The following ATXN7 variants were observed in gnomAD, a reference collection of about 807,000 sequenced individuals.
The protein encoded by ATXN7 is ataxin-7.
Under a neutral mutation model 70.5 loss-of-function variants are expected in ATXN7, and 12 were observed. The ratio of observed to expected loss-of-function variants is 0.17; its 90% CI spans 0.11 to 0.28. ATXN7 has a LOEUF of 0.28. ATXN7 is among the 10% of genes least tolerant of loss of function. The pLI is 1.00. For missense variants in ATXN7, 1,256 were observed against 1,131.7 expected (o/e 1.11, Z -1.58); for synonymous variants, 498 against 448.7 (o/e 1.11, Z -1.39).
Position 63,995,952 on chromosome 3 carries a change from T to A in ATXN7, c.2130T>A (p.Ser710Arg), listed in dbSNP as rs755625089. The change falls in exon 12 of 13, where the codon AGT becomes AGA. Residue 710 changes from serine (S) to arginine (R), a missense_variant. Ser to Arg is a moderately radical substitution (Grantham distance 110, BLOSUM62 -1). Transcript: ENST00000674280. The part of the protein sequence containing the change: ...SGGSGKKRKN[S>R]SPLLVHSSSS... Reference sequence around the variant, plus strand: ...GCTCAGGAAAGAAACGCAAAAACAGTTCCCCACTGTTGGTTCACTCTTCCT... The same window carrying A: ...GCTCAGGAAAGAAACGCAAAAACAGATCCCCACTGTTGGTTCACTCTTCCT... 1 of 1,614,094 alleles carries A rather than the reference T, an allele frequency of 6.2e-7. No homozygotes were observed. Among genetic ancestry groups the A allele is most frequent in the Non-Finnish European group, 8.5e-7 (1 of 1,179,980 alleles).
At chr3:63,863,520 G>A (rs1575820844), upstream of ATXN7, 7 of 1,190,332 alleles carry the variant, frequency 5.9e-6, no homozygotes, top group South Asian at 1.3e-4. Context: ...GCCCCGCGCT[G>A]CCTCCGGGAG....
At chr3:63,966,480 A>G (rs935153626) in intron 5 of ATXN7, among the ~76,000 whole-genome samples, 1 of 152,154 alleles carries the variant, frequency 6.6e-6, no homozygotes, top group Non-Finnish European at 1.5e-5. Context: ...TGTGCTTCTA[A>G]GGCTTGCTGA....
chr3:63,909,117 C>T (rs1416162713), intron 2 of ATXN7, among the ~76,000 whole-genome samples: 1 of 152,168 alleles, frequency 6.6e-6, no homozygotes, highest in African/African-American at 2.4e-5. Flanking sequence ...AAATTGAATA[C>T]TCATTATTCA....
intron 1 of ATXN7, chr3:63,864,845 C>T (rs1702359055): frequency 6.6e-6 from 1 of 152,154 alleles, no homozygotes; most frequent in Non-Finnish European, 1.5e-5. Context: ...CATCTCTTTC[C>T]AAAAGTCACT....
chr3:63,958,573 AT>A (rs751595470), intron 5 of ATXN7, among the ~76,000 whole-genome samples: 7 of 152,174 alleles, frequency 4.6e-5, no homozygotes, highest in Non-Finnish European at 7.4e-5. Flanking sequence ...TTGCTCTCTG[AT>A]TAACTTAGAC....
At chr3:63,919,619 C>T (rs1257346567) in intron 4 of ATXN7, among the ~76,000 whole-genome samples, 1 of 151,634 alleles carries the variant, frequency 6.6e-6, no homozygotes, top group Admixed American at 6.6e-5. Context: ...AATTATTATA[C>T]TTTAAGTTTT....
At chr3:63,882,082 GA>G (rs1423545177) in intron 1 of ATXN7, among the ~76,000 whole-genome samples, 2 of 152,168 alleles carry the variant, frequency 1.3e-5, no homozygotes, top group Non-Finnish European at 2.9e-5. Context: ...GACAGTGTTT[GA>G]AAAGGAACCA....
At chr3:63,884,897 G>A (rs562245892) in intron 1 of ATXN7, among the ~76,000 whole-genome samples, 21 of 151,638 alleles carry the variant, frequency 1.4e-4, no homozygotes, top group Admixed American at 1.1e-3. Context: ...GGGCTCAAGC[G>A]ATTCACCTGC....
chr3:63,914,846 C>T (rs935426631), intron 4 of ATXN7, among the ~76,000 whole-genome samples: 1 of 152,312 alleles, frequency 6.6e-6, no homozygotes, highest in South Asian at 2.1e-4. Context: ...CTTTTATCAG[C>T]ATGTTTTTCA....
At chr3:63,905,595 G>A (rs1178822900) in intron 2 of ATXN7, 1 of 152,176 alleles carries the variant, frequency 6.6e-6, no homozygotes, top group Non-Finnish European at 1.5e-5. Flanking sequence ...TGCTGCCACT[G>A]CCCCAGAAAC....
intron 12 of ATXN7, chr3:63,999,221 C>T (rs1424049714): frequency 2.0e-6 from 1 of 498,618 alleles, no homozygotes; most frequent in African/African-American, 1.9e-5. Flanking sequence ...TGCAACTCTT[C>T]TAGCCAGTTG....
chr3:63,880,164 T>C (rs1028034998), intron 1 of ATXN7, among the ~76,000 whole-genome samples: 7 of 151,986 alleles, frequency 4.6e-5, no homozygotes, highest in Non-Finnish European at 8.8e-5. Context: ...AGTTTTGAGG[T>C]TTGAGAAATG....
chr3:63,899,822 T>G (rs1017214040), intron 2 of ATXN7, among the ~76,000 whole-genome samples: 1 of 152,078 alleles, frequency 6.6e-6, no homozygotes, highest in African/African-American at 2.4e-5. Flanking sequence ...TTTCGCCGTG[T>G]TAGCCAAGAT....
chr3:63,913,142 G>T lies in ATXN7; in HGVS notation c.326-15G>T, dbSNP rs758194120. The T allele has an allele frequency of 6.2e-6, 10 of 1,612,398 alleles. No individual in the cohort carries two copies. The African/African-American group carries it at 1.3e-4, about 22-fold the overall frequency. On this transcript the variant is annotated splice_polypyrimidine_tract_variant and intron_variant, in intron 3 of 12. Transcript: ENST00000674280. ...ACCTGCCTCTCCCCTCCTCCTGTGTGTGTATATCTCCTAGGGACAGAATTG... is the reference window on the plus strand; with the variant it reads ...ACCTGCCTCTCCCCTCCTCCTGTGTTTGTATATCTCCTAGGGACAGAATTG...
intron 5 of ATXN7, among the ~76,000 whole-genome samples, chr3:63,978,985 A>G (rs962120368): frequency 1.3e-5 from 2 of 152,244 alleles, no homozygotes; most frequent in Non-Finnish European, 2.9e-5. Flanking sequence ...ACTTAGAGTT[A>G]AGCAAATGTG....
At chr3:63,990,419 T>C (rs1348108669) in intron 10 of ATXN7, 45 bp downstream of exon 10, 2 of 1,607,440 alleles carry the variant, frequency 1.2e-6, no homozygotes, top group East Asian at 2.2e-5. Context: ...CCACACAGCA[T>C]GGACAGGGCA....
At chr3:63,913,096 G>C (rs1575884493) in intron 3 of ATXN7, 61 bp from the exon 4 acceptor site, 1 of 1,559,716 alleles carries the variant, frequency 6.4e-7, no homozygotes, top group Non-Finnish European at 8.8e-7. Flanking sequence ...GCGTGAGTGT[G>C]CGTCACACTC....
chr3:63,865,017 G>T (rs1218979169), intron 1 of ATXN7: 1 of 152,108 alleles, frequency 6.6e-6, no homozygotes, highest in East Asian at 1.9e-4. Flanking sequence ...ATTTTATTCA[G>T]CCATACCGTT....
chr3:63,877,149 TAAGTTTC>T, intron 1 of ATXN7, among the ~76,000 whole-genome samples: 1 of 152,360 alleles, frequency 6.6e-6, no homozygotes, highest in South Asian at 2.1e-4. Flanking sequence ...ATTTAGATTT[TAAGTTTC>T]AAGAATTACA....
Sources: gnomAD v4.1 joint callset for allele counts (sites outside exome capture counted in the v4.1 genomes callset) on GRCh38, gnomAD v4.1.1 for gene constraint, MANE v1.5 for transcripts, NCBI Gene and HGNC (gene_info 2026-07-23, HGNC 2026-07-21) for gene names.